Variants in AP1B1 observed in about 807,000 individuals in gnomAD.
The protein encoded by AP1B1 is adaptor related protein complex 1 subunit beta 1, also known as AP-1 complex subunit beta-1.
Under a neutral mutation model 104.3 loss-of-function variants are expected in AP1B1, and 36 were observed. That is an observed-to-expected ratio of 0.35 (90% CI 0.26 to 0.46). The LOEUF is 0.46. AP1B1 is among the 20% of genes least tolerant of loss of function. The pLI, the probability that AP1B1 is intolerant of heterozygous loss-of-function variation, is 1.00. For synonymous variants in AP1B1, 504 were observed against 517.5 expected (o/e 0.97, Z 0.35); for missense variants, 901 against 1,247.9 (o/e 0.72, Z 4.19).
intron 16 of AP1B1, among the ~76,000 whole-genome samples, chr22:29,336,006 A>G (rs2061632602): frequency 6.6e-6 from 1 of 152,160 alleles, no homozygotes; most frequent in South Asian, 2.1e-4. Flanking sequence ...CAGTCGCCCA[A>G]GGCTGGGGAT....
intron 11 of AP1B1, among the ~76,000 whole-genome samples, chr22:29,346,558 C>T (rs12158048): frequency 6.4e-4 from 97 of 152,336 alleles, no homozygotes; most frequent in African/African-American, 2.2e-3. Context: ...TGACAGGAGG[C>T]GGAGCTGAGG....
At chr22:29,342,003 C>T (rs2061722987) in intron 12 of AP1B1, among the ~76,000 whole-genome samples, 1 of 152,252 alleles carries the variant, frequency 6.6e-6, no homozygotes, top group Admixed American at 6.5e-5. Context: ...CCCTCTGTGG[C>T]CTGCCCTTCC....
intron 8 of AP1B1, 33 bp downstream of exon 8, chr22:29,351,672 G>A (rs2061877014): frequency 1.2e-6 from 2 of 1,611,194 alleles, no homozygotes; most frequent in Admixed American, 1.7e-5. Flanking sequence ...GTCCCACACT[G>A]AGCCCGTGTC....
At chr22:29,331,732 G>A in intron 18 of AP1B1, 55 bp downstream of exon 18, 1 of 1,614,030 alleles carries the variant, frequency 6.2e-7, no homozygotes, top group Non-Finnish European at 8.5e-7. Flanking sequence ...GACCCCAGTG[G>A]GGCCCGGCTG....
intron 3 of AP1B1, among the ~76,000 whole-genome samples, chr22:29,360,665 C>G (rs192505039): frequency 6.6e-6 from 1 of 151,692 alleles, no homozygotes; most frequent in Non-Finnish European, 1.5e-5. Context: ...TTTCAGAGAA[C>G]ACTGAGGTTC....
At chr22:29,333,894 T>C (rs1208100969) in intron 17 of AP1B1, among the ~76,000 whole-genome samples, 2 of 150,364 alleles carry the variant, frequency 1.3e-5, no homozygotes, top group African/African-American at 2.5e-5. Context: ...TGAAACCCCA[T>C]CTCTACTAAA....
chr22:29,349,990 C>T (rs774458951), intron 10 of AP1B1, 45 bp downstream of exon 10: 2 of 1,487,510 alleles, frequency 1.3e-6, no homozygotes, highest in Admixed American at 1.7e-5. Context: ...ATCCCTGTCC[C>T]CAGGCAGAGC....
intron 3 of AP1B1, among the ~76,000 whole-genome samples, chr22:29,361,889 G>A (rs541160429): frequency 1.3e-4 from 20 of 152,110 alleles, no homozygotes; most frequent in African/African-American, 4.1e-4. Context: ...CTGCCTCCCA[G>A]GTTCCAGCAA....
rs763595475 is a variant in AP1B1, at chr22:29,334,305, G to T, written c.2269C>A (p.Gln757Lys). 2 of 1,608,854 alleles carry T rather than the reference G, an allele frequency of 1.2e-6. No individual in the cohort carries two copies. Among genetic ancestry groups the T allele is most frequent in the South Asian group, 1.1e-5 (1 of 90,330 alleles). ...MDLQLTNKAL[Q>K]VMTDFAIQFN... is the part of the protein sequence containing the mutation. ...TGGATGGCAAAGTCGGTCATGACCT[G>T]CAAGGCCTTGTTGGTCAGCTGCAGG... The change falls in exon 17 of 23, where the codon CAG becomes AAG. Residue 757 changes from glutamine to lysine, a missense_variant. Physicochemically the swap from Gln to Lys is moderately conservative, Grantham distance 53. Transcript: ENST00000357586.
At chr22:29,347,515 T>G (rs1258230354) in intron 11 of AP1B1, among the ~76,000 whole-genome samples, 1 of 152,222 alleles carries the variant, frequency 6.6e-6, no homozygotes, top group Non-Finnish European at 1.5e-5. Context: ...TCTCTCATTC[T>G]AAGTCCCACA....
chr22:29,351,431 A>T, intron 8 of AP1B1, 165 bp from the exon 9 acceptor site: 1 of 924,336 alleles, frequency 1.1e-6, no homozygotes, highest in Non-Finnish European at 1.7e-6. Context: ...TGAAAAGGAA[A>T]GAAGGCCTGG....
intron 17 of AP1B1, among the ~76,000 whole-genome samples, chr22:29,333,820 T>A (rs2061596619): frequency 6.6e-6 from 1 of 152,044 alleles, no homozygotes; most frequent in Non-Finnish European, 1.5e-5. Context: ...TCCCAGCACT[T>A]TGGGAGGCCG....
intron 1 of AP1B1, among the ~76,000 whole-genome samples, chr22:29,379,710 T>C (rs1441466298): frequency 6.6e-6 from 1 of 152,090 alleles, no homozygotes; most frequent in East Asian, 1.9e-4. Context: ...TTCTCTTAGA[T>C]GAAGAGGGGC....
chr22:29,332,804 C>T, intron 17 of AP1B1, among the ~76,000 whole-genome samples: 1 of 152,210 alleles, frequency 6.6e-6, no homozygotes, highest in East Asian at 1.9e-4. Context: ...TTTGGGGAAC[C>T]CCAGGTCCGC....
intron 17 of AP1B1, among the ~76,000 whole-genome samples, chr22:29,332,794 T>C (rs3788411): frequency 0.34 from 52,365 of 152,150 alleles, 9,747 homozygotes; most frequent in Admixed American, 0.48. Context: ...AGGGAGACCA[T>C]TTGGGGAACC....
At chr22:29,331,619 T>C in intron 18 of AP1B1, 86 bp from the exon 19 acceptor site, 1 of 1,579,994 alleles carries the variant, frequency 6.3e-7, no homozygotes, top group African/African-American at 1.3e-5. Context: ...GCAGATTCTC[T>C]CCCAGGGCCT....
intron 4 of AP1B1, 194 bp downstream of exon 4, chr22:29,359,630 G>A (rs1051167507): frequency 2.1e-5 from 13 of 609,906 alleles, no homozygotes; most frequent in African/African-American, 1.9e-4. Context: ...GATGAGTTAC[G>A]CAGGGTCCTT....
chr22:29,361,361 C>A (rs960339588), intron 3 of AP1B1, among the ~76,000 whole-genome samples: 2 of 152,156 alleles, frequency 1.3e-5, no homozygotes, highest in South Asian at 2.1e-4. Context: ...CCTCAGCACC[C>A]GGGTTATGAG....
chr22:29,354,516 G>T (rs1175290998), intron 7 of AP1B1, 134 bp downstream of exon 7: 2 of 853,546 alleles, frequency 2.3e-6, no homozygotes, highest in Non-Finnish European at 3.7e-6. Context: ...TGCCACTTTG[G>T]TTAAGCTATT....
Sources: allele counts gnomAD v4.1 joint callset (sites outside exome capture counted in the v4.1 genomes callset), GRCh38; gene constraint gnomAD v4.1.1; transcripts MANE v1.5; gene names NCBI Gene and HGNC (gene_info 2026-07-23, HGNC 2026-07-21).